Variants in NRG3 observed in about 807,000 individuals in gnomAD.
NRG3 encodes neuregulin 3, also known as pro-neuregulin-3, membrane-bound isoform.
Under a neutral mutation model 66.9 loss-of-function variants are expected in NRG3, and 31 were observed. The observed-to-expected ratio is 0.46, with a 90% CI of 0.35 to 0.63. The LOEUF is 0.63. Ranked by LOEUF, NRG3 falls within the 20% of genes least tolerant of loss-of-function variation. The pLI, the probability that NRG3 is intolerant of heterozygous loss-of-function variation, is 0.00. For missense variants in NRG3, 910 were observed against 878.9 expected, an observed-to-expected ratio of 1.04 and a Z score of -0.45; for synonymous variants, 393 against 359.4, an observed-to-expected ratio of 1.09 and a Z score of -1.06.
At chr10:81,976,428 T>G (rs1051255545) in intron 1 of NRG3, among the ~76,000 whole-genome samples, 1 of 152,230 alleles carries the variant, frequency 6.6e-6, no homozygotes, top group African/African-American at 2.4e-5. Context: ...ACAGACTTTA[T>G]GCTAGATGCT....
chr10:82,694,900 G>A (rs978846792), intron 2 of NRG3, among the ~76,000 whole-genome samples: 1 of 152,128 alleles, frequency 6.6e-6, no homozygotes, highest in Non-Finnish European at 1.5e-5. Context: ...GCTCCTAGTA[G>A]GAACTTAAAT....
chr10:82,550,317 A>G (rs1463599037), intron 2 of NRG3, among the ~76,000 whole-genome samples: 2 of 152,190 alleles, frequency 1.3e-5, no homozygotes, highest in African/African-American at 4.8e-5. Flanking sequence ...CAGCCTGCCA[A>G]TGAGAAAACA....
At chr10:82,820,074 C>T (rs1333217) in intron 3 of NRG3, among the ~76,000 whole-genome samples, 44,380 of 151,956 alleles carry the variant, frequency 0.29, 6,706 homozygotes, top group African/African-American at 0.36. Context: ...CCGAGAGCAA[C>T]AAAGTGAGTG....
chr10:82,380,825 A>G (rs1201581481), intron 2 of NRG3, among the ~76,000 whole-genome samples: 1 of 152,134 alleles, frequency 6.6e-6, no homozygotes, highest in Non-Finnish European at 1.5e-5. Context: ...TCTTAATATT[A>G]ACACTCCAGA....
chr10:82,094,885 G>A (rs1280894270), intron 1 of NRG3, among the ~76,000 whole-genome samples: 2 of 152,186 alleles, frequency 1.3e-5, no homozygotes, highest in African/African-American at 2.4e-5. Context: ...TGGAGACTCA[G>A]AAGGGTGAGA....
At chr10:82,613,964 A>G (rs1472907927) in intron 2 of NRG3, among the ~76,000 whole-genome samples, 1 of 151,554 alleles carries the variant, frequency 6.6e-6, no homozygotes, top group Non-Finnish European at 1.5e-5. Flanking sequence ...GTGCAGTGGT[A>G]TAATCCTGGC....
intron 1 of NRG3, among the ~76,000 whole-genome samples, chr10:82,018,409 G>T (rs1231674944): frequency 6.6e-6 from 1 of 152,144 alleles, no homozygotes; most frequent in Admixed American, 6.5e-5. Context: ...GATTGACTTG[G>T]CGATGCGTGC....
chr10:82,687,750 C>A (rs1341709238), intron 2 of NRG3, among the ~76,000 whole-genome samples: 1 of 152,004 alleles, frequency 6.6e-6, no homozygotes, highest in Non-Finnish European at 1.5e-5. Context: ...TAATATAAAC[C>A]TTAGAATAAG....
intron 1 of NRG3, among the ~76,000 whole-genome samples, chr10:82,319,035 A>G (rs1000693777): frequency 1.3e-5 from 2 of 152,254 alleles, no homozygotes; most frequent in African/African-American, 4.8e-5. Context: ...ACAGAAGTGT[A>G]TATTGGTGTG....
intron 1 of NRG3, among the ~76,000 whole-genome samples, chr10:81,892,025 T>C (rs996602994): frequency 6.6e-6 from 1 of 152,230 alleles, no homozygotes; most frequent in African/African-American, 2.4e-5. Flanking sequence ...GTATTTTATG[T>C]TGGACATTTG....
intron 2 of NRG3, among the ~76,000 whole-genome samples, chr10:82,600,685 G>C (rs2047568426): frequency 1.3e-5 from 2 of 152,118 alleles, no homozygotes; most frequent in Non-Finnish European, 2.9e-5. Flanking sequence ...GGCCAGGCTG[G>C]TCTCGAACTC....
intron 3 of NRG3, among the ~76,000 whole-genome samples, chr10:82,789,354 A>G (rs1411590553): frequency 6.6e-6 from 1 of 152,080 alleles, no homozygotes; most frequent in Non-Finnish European, 1.5e-5. Context: ...CATTTTTATT[A>G]TTAAAGTTGT....
chr10:81,943,559 G>C lies in NRG3; in HGVS notation c.823+67396G>C, dbSNP rs374135209. 6.6e-5 allele frequency among the ~76,000 whole-genome samples: 10 copies of C among 152,238 alleles called. No individual in the cohort carries two copies. The East Asian group carries it at 1.9e-3, about 29-fold the overall frequency. ...TCCATCCCATTTCCATTGCATACCA[G>C]CAGGCAGCCTACTGCCTGGATCTGA... On this transcript the variant is annotated intron_variant, in intron 1 of 8. Transcript: ENST00000372141.
intron 1 of NRG3, among the ~76,000 whole-genome samples, chr10:82,063,004 C>T (rs1378807180): frequency 6.6e-6 from 1 of 152,062 alleles, no homozygotes; most frequent in Non-Finnish European, 1.5e-5. Flanking sequence ...ACTTGATACC[C>T]CATTAGTGTT....
At chr10:82,417,268 A>G (rs7073820) in intron 2 of NRG3, among the ~76,000 whole-genome samples, 1 of 152,072 alleles carries the variant, frequency 6.6e-6, no homozygotes, top group South Asian at 2.1e-4. Context: ...ATGGTTCAAT[A>G]AGAGAGAGAG....
chr10:82,397,380 A>G (rs547918860), intron 2 of NRG3, among the ~76,000 whole-genome samples: 2 of 152,374 alleles, frequency 1.3e-5, no homozygotes, highest in Admixed American at 6.5e-5. Flanking sequence ...CAAAATGTAT[A>G]CATTGAAAAG....
chr10:82,040,042 C>G, intron 1 of NRG3, among the ~76,000 whole-genome samples: 1 of 152,100 alleles, frequency 6.6e-6, no homozygotes, highest in East Asian at 1.9e-4. Flanking sequence ...AAGGAGGATT[C>G]ATACCTAGGT....
At chr10:82,326,544 A>G (rs1338494034) in intron 1 of NRG3, among the ~76,000 whole-genome samples, 1 of 152,056 alleles carries the variant, frequency 6.6e-6, no homozygotes, top group East Asian at 1.9e-4. Context: ...TATGCCTAAT[A>G]TATACTTTGA....
At chr10:82,944,479 T>C (rs1045953322) in intron 4 of NRG3, among the ~76,000 whole-genome samples, 1 of 152,234 alleles carries the variant, frequency 6.6e-6, no homozygotes, top group African/African-American at 2.4e-5. Flanking sequence ...AATATTTATT[T>C]GTTTCCAAGT....
Sources: allele counts gnomAD v4.1 joint callset (sites outside exome capture counted in the v4.1 genomes callset), GRCh38; gene constraint gnomAD v4.1.1; transcripts MANE v1.5; gene names NCBI Gene and HGNC (gene_info 2026-07-23, HGNC 2026-07-21).